MIPOL1: variants seen among roughly 807,000 people sequenced by gnomAD.
MIPOL1 encodes the protein mirror-image polydactyly 1, also known as mirror-image polydactyly gene 1 protein.
In MIPOL1, 57 loss-of-function variants were observed where a neutral mutation model predicts 60.9. The ratio of observed to expected loss-of-function variants is 0.94; its 90% CI spans 0.76 to 1.17. The LOEUF (loss-of-function observed/expected upper bound fraction) is 1.17, where lower values mean the gene tolerates loss of function less well. Ranked by LOEUF, MIPOL1 falls within the 50% of genes most tolerant of loss-of-function variation. MIPOL1 has a pLI of 0.00. For missense variants in MIPOL1, 551 were observed against 511.6 expected (o/e 1.08, Z -0.74); for synonymous variants, 179 against 168.8 (o/e 1.06, Z -0.47).
intron 10 of MIPOL1, among the ~76,000 whole-genome samples, chr14:37,415,649 G>A (rs948844868): frequency 2.9e-5 from 4 of 136,722 alleles, no homozygotes; most frequent in African/African-American, 1.1e-4. Context: ...AAAAAAATTA[G>A]CACAGATTTT....
chr14:37,392,490 C>A (rs2093272544), intron 10 of MIPOL1, among the ~76,000 whole-genome samples: 1 of 152,096 alleles, frequency 6.6e-6, no homozygotes, highest in Admixed American at 6.6e-5. Context: ...ATTTGTATTT[C>A]TTTCCATTAT....
At chr14:37,438,318 A>G (rs35165388) in intron 11 of MIPOL1, among the ~76,000 whole-genome samples, 1,552 of 152,332 alleles carry the variant, frequency 0.01, 58 homozygotes, top group Admixed American at 0.065. Context: ...TTTTAAAGCT[A>G]CGTTTGTAAT....
chr14:37,373,640 G>C (rs189749913), intron 10 of MIPOL1, among the ~76,000 whole-genome samples: 3 of 151,902 alleles, frequency 2.0e-5, no homozygotes, highest in African/African-American at 7.3e-5. Context: ...TGTGGTGTTC[G>C]GTTTTCTGTT....
intron 9 of MIPOL1, among the ~76,000 whole-genome samples, chr14:37,312,657 C>T (rs951744580): frequency 7.2e-5 from 11 of 151,888 alleles, no homozygotes; most frequent in Non-Finnish European, 1.5e-4. Context: ...TTATTTATCC[C>T]AAATTGTTTT....
chr14:37,516,087 TA>T (rs2095367240), intron 12 of MIPOL1, among the ~76,000 whole-genome samples: 1 of 152,208 alleles, frequency 6.6e-6, no homozygotes, highest in Admixed American at 6.5e-5. Context: ...ACGCAGACTC[TA>T]AAGCTGCAGA....
intron 3 of MIPOL1, among the ~76,000 whole-genome samples, chr14:37,254,620 T>C (rs140421479): frequency 1.3e-3 from 199 of 151,942 alleles, no homozygotes; most frequent in African/African-American, 4.4e-3. Flanking sequence ...AGTGAACTAA[T>C]CCATAAATTC....
At chr14:37,346,287 CCA>C (rs1260897903) in intron 9 of MIPOL1, among the ~76,000 whole-genome samples, 1 of 152,088 alleles carries the variant, frequency 6.6e-6, no homozygotes, top group Non-Finnish European at 1.5e-5. Context: ...TGAGATCGTG[CCA>C]ATGCACTGCA....
chr14:37,535,436 G>A (rs1445511429), intron 12 of MIPOL1, among the ~76,000 whole-genome samples: 2 of 152,112 alleles, frequency 1.3e-5, no homozygotes, highest in African/African-American at 4.8e-5. Context: ...AAATCTAAAA[G>A]ACAAGCTTAA....
intron 9 of MIPOL1, among the ~76,000 whole-genome samples, chr14:37,312,023 T>TA (rs2087378863): frequency 3.5e-4 from 1 of 2,860 alleles, no homozygotes. Context: ...TCTCTGAATT[T>TA]GGGTTTGTTT....
At chr14:37,242,856 A>G (rs1972573638) in intron 1 of MIPOL1, among the ~76,000 whole-genome samples, 1 of 152,218 alleles carries the variant, frequency 6.6e-6, no homozygotes. Flanking sequence ...AAGAGTTTCT[A>G]CTTTAGATGG....
intron 9 of MIPOL1, among the ~76,000 whole-genome samples, chr14:37,316,152 G>A (rs1457754139): frequency 2.0e-5 from 3 of 151,500 alleles, no homozygotes; most frequent in Non-Finnish European, 2.9e-5. Flanking sequence ...TCAGCCTCTC[G>A]AGTAGCTGGG....
chr14:37,295,763 A>G (rs1327737275), intron 7 of MIPOL1, among the ~76,000 whole-genome samples: 1 of 152,220 alleles, frequency 6.6e-6, no homozygotes, highest in Non-Finnish European at 1.5e-5. Context: ...ACTATCCTAA[A>G]TATATATGTA....
intron 11 of MIPOL1, among the ~76,000 whole-genome samples, chr14:37,443,457 C>CAAAAAAA (rs3062712): frequency 6.6e-5 from 3 of 45,458 alleles, no homozygotes; most frequent in Non-Finnish European, 8.1e-5. Flanking sequence ...ACTATCTCAC[C>CAAAAAAA]AAAAAAAAAA....
At chr14:37,209,181 CTTCT>C (rs1399431747) in intron 1 of MIPOL1, among the ~76,000 whole-genome samples, 6 of 152,034 alleles carry the variant, frequency 3.9e-5, no homozygotes, top group Non-Finnish European at 8.8e-5. Context: ...CTATTTGTGA[CTTCT>C]TTCTATTTTG....
At position 37,375,205 on chromosome 14, in the gene MIPOL1, C is replaced by T. The variant is rs142291234; in HGVS notation, c.936+5581C>T. Among the ~76,000 whole-genome samples the T allele has an allele frequency of 3.4e-3, 516 of 151,888 alleles. 11 individuals carry two copies. The highest frequency in any genetic ancestry group is 0.024 in the Admixed American group (364 of 15,236). On this transcript the variant is annotated intron_variant, in intron 10 of 12. Transcript: ENST00000684589. ...GTCTACCCTTTTTAATAATTATTTT[C>T]ATTATTATTATAATTTTTTTTAGAT...
chr14:37,345,149 G>A (rs1159564349), intron 9 of MIPOL1, among the ~76,000 whole-genome samples: 2 of 152,058 alleles, frequency 1.3e-5, no homozygotes, highest in Admixed American at 1.3e-4. Flanking sequence ...CAAGGCTGGA[G>A]TACAGTCATA....
intron 1 of MIPOL1, among the ~76,000 whole-genome samples, chr14:37,233,427 A>G (rs1970935007): frequency 6.6e-6 from 1 of 152,218 alleles, no homozygotes; most frequent in Non-Finnish European, 1.5e-5. Context: ...GATAAAAAAT[A>G]TAAACTTTAT....
At chr14:37,388,663 C>T (rs1469850894) in intron 10 of MIPOL1, among the ~76,000 whole-genome samples, 4 of 151,950 alleles carry the variant, frequency 2.6e-5, no homozygotes, top group Non-Finnish European at 5.9e-5. Flanking sequence ...TATCCCCAGC[C>T]CAAACAACCA....
At chr14:37,425,978 C>T (rs1312111009) in intron 11 of MIPOL1, among the ~76,000 whole-genome samples, 4 of 151,966 alleles carry the variant, frequency 2.6e-5, no homozygotes, top group Admixed American at 2.6e-4. Context: ...TAGAGCAGTC[C>T]TTGAAGAAAC....
Sources: gnomAD v4.1 joint callset for allele counts (sites outside exome capture counted in the v4.1 genomes callset) on GRCh38, gnomAD v4.1.1 for gene constraint, MANE v1.5 for transcripts, NCBI Gene and HGNC (gene_info 2026-07-23, HGNC 2026-07-21) for gene names.